NRG1: variants seen among roughly 807,000 people sequenced by gnomAD.
The protein encoded by NRG1 is neuregulin 1.
Under a neutral mutation model 63.8 loss-of-function variants are expected in NRG1, and 18 were observed. The ratio of observed to expected loss-of-function variants is 0.28; its 90% CI spans 0.19 to 0.42. The LOEUF (loss-of-function observed/expected upper bound fraction) is 0.42, where lower values mean the gene tolerates loss of function less well. Ranked by LOEUF, NRG1 falls within the 10% of genes least tolerant of loss-of-function variation. NRG1 has a pLI of 1.00. For synonymous variants in NRG1, 302 were observed against 301.3 expected (o/e 1.00, Z -0.02); for missense variants, 762 against 814.7 (o/e 0.94, Z 0.79).
intron 1 of NRG1, among the ~76,000 whole-genome samples, chr8:32,223,023 A>G (rs969205995): frequency 6.6e-6 from 1 of 152,232 alleles, no homozygotes; most frequent in Non-Finnish European, 1.5e-5. Flanking sequence ...TAGTGCAACT[A>G]TGTTGTTCTG....
intron 1 of NRG1, among the ~76,000 whole-genome samples, chr8:31,986,038 C>A (rs575866475): frequency 1.3e-5 from 2 of 152,094 alleles, no homozygotes; most frequent in Non-Finnish European, 2.9e-5. Flanking sequence ...TGATCTCAGT[C>A]GAATCATTTG....
At chr8:31,988,440 G>C (rs1192628737) in intron 1 of NRG1, among the ~76,000 whole-genome samples, 1 of 152,044 alleles carries the variant, frequency 6.6e-6, no homozygotes, top group East Asian at 1.9e-4. Context: ...TCCAATTTCA[G>C]CCACTTTGTG....
intron 1 of NRG1, among the ~76,000 whole-genome samples, chr8:31,783,242 A>G (rs190448897): frequency 4.9e-4 from 75 of 152,348 alleles, no homozygotes; most frequent in African/African-American, 1.8e-3. Flanking sequence ...AAAACACATC[A>G]TAACCACATC....
intron 1 of NRG1, among the ~76,000 whole-genome samples, chr8:31,910,582 T>G (rs1017000669): frequency 6.6e-6 from 1 of 152,136 alleles, no homozygotes; most frequent in African/African-American, 2.4e-5. Flanking sequence ...ACATTTGAGA[T>G]GCCCAAGAGA....
chr8:31,826,253 A>C (rs1377832438), intron 1 of NRG1, among the ~76,000 whole-genome samples: 4 of 152,138 alleles, frequency 2.6e-5, no homozygotes, highest in Non-Finnish European at 4.4e-5. Context: ...TTGCTTTCTG[A>C]TATGGTTTGG....
intron 1 of NRG1, among the ~76,000 whole-genome samples, chr8:31,824,233 T>A (rs1442343273): frequency 1.4e-5 from 2 of 144,886 alleles, no homozygotes; most frequent in Non-Finnish European, 3.0e-5. Context: ...GTCCAAGTGT[T>A]CTCACTGTTC....
intron 1 of NRG1, among the ~76,000 whole-genome samples, chr8:32,419,620 C>G (rs1263797599): frequency 2.0e-5 from 3 of 152,158 alleles, no homozygotes; most frequent in Admixed American, 6.5e-5. Flanking sequence ...CTTTCAAAGT[C>G]TATTTGAATT....
chr8:31,703,610 T>C (rs905812042), intron 1 of NRG1, among the ~76,000 whole-genome samples: 5 of 152,182 alleles, frequency 3.3e-5, no homozygotes, highest in African/African-American at 9.7e-5. Context: ...TATTAGCACA[T>C]AGTTGATGAC....
chr8:31,814,635 T>C (rs1039812519), intron 1 of NRG1, among the ~76,000 whole-genome samples: 3 of 148,392 alleles, frequency 2.0e-5, no homozygotes, highest in Admixed American at 6.7e-5. Flanking sequence ...TAATAATTAA[T>C]AAATATTAAA....
At chr8:31,927,980 A>C (rs1204240766) in intron 1 of NRG1, among the ~76,000 whole-genome samples, 1 of 129,480 alleles carries the variant, frequency 7.7e-6, no homozygotes, top group Non-Finnish European at 1.6e-5. Context: ...CTCGTCATTC[A>C]GCATTAGGTA....
intron 5 of NRG1, among the ~76,000 whole-genome samples, chr8:32,675,045 T>C (rs1806693272): frequency 6.6e-6 from 1 of 152,188 alleles, no homozygotes; most frequent in African/African-American, 2.4e-5. Flanking sequence ...ATTTCATGCT[T>C]TGCACCAGTT....
chr8:32,614,519 A>C, exon 4 of NRG1: 2 of 1,612,300 alleles, frequency 1.2e-6, no homozygotes, highest in South Asian at 2.2e-5. Context: ...TTCAGAGATC[A>C]TCACTGGTAT....
chr8:32,246,172 C>T (rs1482090639), intron 1 of NRG1, among the ~76,000 whole-genome samples: 1 of 152,152 alleles, frequency 6.6e-6, no homozygotes, highest in East Asian at 1.9e-4. Context: ...ATACCAATGA[C>T]AAATGTTTCA....
chr8:31,652,927 C>A (rs1804996582), intron 1 of NRG1, among the ~76,000 whole-genome samples: 2 of 133,576 alleles, frequency 1.5e-5, no homozygotes, highest in African/African-American at 5.7e-5. Flanking sequence ...TTCCTCCCTC[C>A]CTCCCTCCTT....
intron 1 of NRG1, among the ~76,000 whole-genome samples, chr8:32,368,331 G>T (rs1428141696): frequency 6.6e-6 from 1 of 152,098 alleles, no homozygotes; most frequent in Non-Finnish European, 1.5e-5. Flanking sequence ...TGTTTTGGAA[G>T]GTCAAGACAG....
In NRG1 at chr8:32,265,754, G is replaced by A. The variant is rs886488874; in HGVS notation, c.38-330074G>A. Among the ~76,000 whole-genome samples the A allele has an allele frequency of 1.8e-4, 28 of 151,982 alleles. 1 individual carries two copies. The highest frequency in any genetic ancestry group is 3.4e-3 in the Middle Eastern group (1 of 292). ...GCTACTGGGGAGGCTGAGATGGGAG[G>A]ATCACTTGATCCTAGGAGGTGGAGG... is the stretch of plus-strand genomic sequence containing the variant. On this transcript the variant is annotated intron_variant, in intron 1 of 10. Transcript: ENST00000519301.
intron 1 of NRG1, among the ~76,000 whole-genome samples, chr8:31,824,299 T>A (rs2129604093): frequency 6.6e-6 from 1 of 151,910 alleles, no homozygotes; most frequent in Non-Finnish European, 1.5e-5. Context: ...CTTGCGATAG[T>A]TTGCTGAGAA....
At chr8:31,656,851 C>T (rs1345237348) in intron 1 of NRG1, among the ~76,000 whole-genome samples, 1 of 152,138 alleles carries the variant, frequency 6.6e-6, no homozygotes, top group Non-Finnish European at 1.5e-5. Flanking sequence ...AATACAATGC[C>T]TTGTCACATA....
intron 1 of NRG1, among the ~76,000 whole-genome samples, chr8:31,656,173 A>G (rs781604331): frequency 6.6e-6 from 1 of 152,178 alleles, no homozygotes; most frequent in Non-Finnish European, 1.5e-5. Flanking sequence ...AAGGAAGCAT[A>G]AGGAACAGCC....
Sources: allele counts gnomAD v4.1 joint callset (sites outside exome capture counted in the v4.1 genomes callset), GRCh38; gene constraint gnomAD v4.1.1; transcripts MANE v1.5; gene names NCBI Gene and HGNC (gene_info 2026-07-23, HGNC 2026-07-21).